Variants in STK40 observed in about 807,000 individuals in gnomAD.
STK40 encodes serine/threonine-protein kinase 40.
Under a neutral mutation model 47.9 loss-of-function variants are expected in STK40, and 13 were observed. That is an observed-to-expected ratio of 0.27 (90% CI 0.18 to 0.43). STK40 has a LOEUF of 0.43. Ranked by LOEUF, STK40 falls within the 20% of genes least tolerant of loss-of-function variation. The pLI, the probability that STK40 is intolerant of heterozygous loss-of-function variation, is 1.00. For synonymous variants in STK40, 225 were observed against 243.2 expected, an observed-to-expected ratio of 0.93 and a Z score of 0.69; for missense variants, 460 against 595.1, an observed-to-expected ratio of 0.77 and a Z score of 2.36.
chr1:36,352,235 C>G (rs1228290107), intron 6 of STK40, among the ~76,000 whole-genome samples: 2 of 152,198 alleles, frequency 1.3e-5, no homozygotes, highest in Non-Finnish European at 2.9e-5. Context: ...GAGATGTGAG[C>G]CCATGGGTCC....
In STK40 at chr1:36,385,849, G is replaced by A. The variant is rs891184923; in HGVS notation, c.-135C>T. The A allele has an allele frequency of 2.3e-5, 4 of 177,240 alleles. No individual in the cohort carries two copies. Among genetic ancestry groups the A allele is most frequent in the Admixed American group, 1.3e-4 (2 of 15,520 alleles). 11.0% of individuals were successfully genotyped at this position (177,240 alleles called of 1,614,324 possible). On this transcript the variant is annotated 5_prime_UTR_variant, in exon 1 of 11. Transcript: ENST00000373132. ...GAGCCTCTCACCGCCGCCTCCCAGC[G>A]CAGCCACCCGAGCCGCCGCCGCCGC...
At chr1:36,349,096 C>T (rs573377244) in intron 6 of STK40, among the ~76,000 whole-genome samples, 13 of 152,290 alleles carry the variant, frequency 8.5e-5, no homozygotes, top group African/African-American at 2.2e-4. Flanking sequence ...ACCTGCTGCC[C>T]GGGCTGAATC....
chr1:36,369,589 G>C (rs952453299), intron 1 of STK40, among the ~76,000 whole-genome samples: 3 of 152,122 alleles, frequency 2.0e-5, no homozygotes, highest in African/African-American at 7.2e-5. Flanking sequence ...CTTCTCCCTT[G>C]GTCCTCACTG....
chr1:36,365,249 C>T (rs950132741), intron 1 of STK40, among the ~76,000 whole-genome samples: 2 of 152,218 alleles, frequency 1.3e-5, no homozygotes, highest in African/African-American at 4.8e-5. Flanking sequence ...CTCGGCCTCC[C>T]AAAGTGTTGG....
In STK40 at chr1:36,340,451, G is replaced by A. The variant is rs566288100; in HGVS notation, c.*1304C>T. The A allele has an allele frequency of 6.5e-6, 1 of 152,714 alleles. No individual in the cohort carries two copies. Among genetic ancestry groups the A allele is most frequent in the Admixed American group, 6.5e-5 (1 of 15,296 alleles). 9.5% of individuals were successfully genotyped at this position (152,714 alleles called of 1,614,324 possible). On this transcript the variant is annotated 3_prime_UTR_variant, in exon 11 of 11. Coordinates refer to ENST00000373132, the MANE Select transcript of STK40 (RefSeq NM_001282547.2). ...AGGGCCAGGCAGGAGGGGCCTCAGG[G>A]CCCATGACTGCCTGGAGGGGACACT... is the stretch of plus-strand genomic sequence containing the variant.
At chr1:36,382,304 CTAGTAGCTGGG>C (rs1275691121) in intron 1 of STK40, among the ~76,000 whole-genome samples, 1 of 152,058 alleles carries the variant, frequency 6.6e-6, no homozygotes, top group Non-Finnish European at 1.5e-5. Flanking sequence ...CTCAGCCTCC[CTAGTAGCTGGG>C]ACTACAGGTG....
At chr1:36,345,702 TC>T (rs1321570146) in intron 7 of STK40, among the ~76,000 whole-genome samples, 1 of 152,000 alleles carries the variant, frequency 6.6e-6, no homozygotes, top group Non-Finnish European at 1.5e-5. Flanking sequence ...AGGTGCTGCC[TC>T]TCCTCCCGTG....
intron 1 of STK40, among the ~76,000 whole-genome samples, chr1:36,381,645 C>T (rs1020695944): frequency 1.3e-5 from 2 of 152,150 alleles, no homozygotes; most frequent in Non-Finnish European, 2.9e-5. Flanking sequence ...CCACGCTTAA[C>T]TAATTTTTTT....
intron 6 of STK40, among the ~76,000 whole-genome samples, chr1:36,349,338 A>G (rs759775339): frequency 6.6e-6 from 1 of 152,116 alleles, no homozygotes; most frequent in African/African-American, 2.4e-5. Context: ...CCCCACAACC[A>G]CTGCAGAGGA....
intron 1 of STK40, among the ~76,000 whole-genome samples, chr1:36,378,395 A>G (rs79812878): frequency 1.3e-5 from 2 of 152,022 alleles, no homozygotes; most frequent in East Asian, 1.9e-4. Flanking sequence ...ATAAGAGACA[A>G]CCCTTACTTC....
In STK40 at chr1:36,361,480, ATCC is replaced by A. The variant is rs1309451674; in HGVS notation, c.-8-143_-8-141del. Reference sequence around the variant, plus strand: ...CAACTCCTCCTGCTACCAGGGGAGCATCCAAGGCTCCAAGTGACAAAGAACCAC... The same window carrying A: ...CAACTCCTCCTGCTACCAGGGGAGCAAAGGCTCCAAGTGACAAAGAACCAC... On this transcript the variant is annotated intron_variant, in intron 1 of 10. Coordinates refer to ENST00000373132, the MANE Select transcript of STK40 (RefSeq NM_001282547.2). 4.5e-4 allele frequency: 645 copies of A among 1,435,928 alleles called. 1 individual carries two copies. The highest frequency in any genetic ancestry group is 8.6e-4 in the Admixed American group (33 of 38,256). 88.9% of individuals were successfully genotyped at this position (1,435,928 alleles called of 1,614,324 possible).
rs184501711 is a variant in STK40, at chr1:36,367,198, T to C, written c.-8-5858A>G. Among the ~76,000 whole-genome samples the C allele has an allele frequency of 6.8e-3, 1,027 of 152,086 alleles. 19 individuals are homozygous for C. The highest frequency in any genetic ancestry group is 0.011 in the Admixed American group (164 of 15,270). Reference sequence around the variant, plus strand: ...AGTCAGCACCAGTCCCCTTAGAACCTGAACTCAACAGGAAGCTCAGAGAGG... The same window carrying C: ...AGTCAGCACCAGTCCCCTTAGAACCCGAACTCAACAGGAAGCTCAGAGAGG... On this transcript the variant is annotated intron_variant, in intron 1 of 10. Transcript: ENST00000373132.
At chr1:36,361,418 G>C (rs1415312212) in intron 1 of STK40, 78 bp from the exon 2 acceptor site, 53 of 1,587,922 alleles carry the variant, frequency 3.3e-5, no homozygotes, top group African/African-American at 1.2e-4. Context: ...GCAGGCCTTT[G>C]ACTTGGGATG....
intron 7 of STK40, 24 bp from the exon 8 acceptor site, chr1:36,344,288 T>C: frequency 6.4e-7 from 1 of 1,566,342 alleles, no homozygotes. Flanking sequence ...CATACCACAC[T>C]GTCTTCAGGC....
intron 7 of STK40, among the ~76,000 whole-genome samples, chr1:36,346,597 G>A (rs1375241053): frequency 6.6e-6 from 1 of 152,332 alleles, no homozygotes; most frequent in East Asian, 1.9e-4. Flanking sequence ...ATTGGAGGCC[G>A]TGATCACACA....
chr1:36,345,557 C>T (rs1453334303), intron 7 of STK40, among the ~76,000 whole-genome samples: 9 of 152,188 alleles, frequency 5.9e-5, no homozygotes, highest in Admixed American at 3.9e-4. Context: ...AGAGCAGCTG[C>T]GGTGACTGTG....
chr1:36,362,982 C>A (rs184995818), intron 1 of STK40, among the ~76,000 whole-genome samples: 21 of 152,248 alleles, frequency 1.4e-4, no homozygotes, highest in Admixed American at 3.3e-4. Context: ...ATGGTGAAAC[C>A]CCGTCTCTAC....
chr1:36,340,495 A>AT lies in STK40; in HGVS notation c.*1259dup, dbSNP rs2124720414. Reference sequence around the variant, plus strand: ...GGACACTCAGCCTCTCTGAGGACATATGGGGGGTAGGCCTCTGGGGAAGGG... The same window carrying AT: ...GGACACTCAGCCTCTCTGAGGACATATTGGGGGGTAGGCCTCTGGGGAAGGG... On this transcript the variant is annotated 3_prime_UTR_variant, in exon 11 of 11. Transcript: ENST00000373132. 6.5e-6 allele frequency: 1 copy of AT among 152,786 alleles called. No individual in the cohort carries two copies. The highest frequency in any genetic ancestry group is 6.5e-5 in the Admixed American group (1 of 15,300). 9.5% of individuals were successfully genotyped at this position (152,786 alleles called of 1,614,324 possible).
At chr1:36,371,036 C>T (rs1411117348) in intron 1 of STK40, among the ~76,000 whole-genome samples, 4 of 151,746 alleles carry the variant, frequency 2.6e-5, no homozygotes, top group African/African-American at 7.3e-5. Flanking sequence ...GCCACCATGC[C>T]AAGTTAATTT....
Sources: gnomAD v4.1 joint callset for allele counts (sites outside exome capture counted in the v4.1 genomes callset) on GRCh38, gnomAD v4.1.1 for gene constraint, MANE v1.5 for transcripts, NCBI Gene and HGNC (gene_info 2026-07-23, HGNC 2026-07-21) for gene names.